The following USP34 variants were observed in gnomAD, a reference collection of about 807,000 sequenced individuals.
USP34 encodes ubiquitin specific peptidase 34, also known as ubiquitin carboxyl-terminal hydrolase 34.
In USP34, 70 loss-of-function variants were observed where a neutral mutation model predicts 460.3. The observed-to-expected ratio is 0.15, with a 90% CI of 0.13 to 0.19. The LOEUF (loss-of-function observed/expected upper bound fraction) is 0.19, where lower values mean the gene tolerates loss of function less well. Among genes scored for constraint, USP34 ranks in the 10% least tolerant of loss-of-function variants. The pLI is 1.00. For missense variants in USP34, 3,985 were observed against 4,236.2 expected, an observed-to-expected ratio of 0.94 and a Z score of 1.65; for synonymous variants, 1,647 against 1,405.3, an observed-to-expected ratio of 1.17 and a Z score of -3.85.
intron 1 of USP34, among the ~76,000 whole-genome samples, chr2:61,469,349 T>TATTG: frequency 6.6e-6 from 1 of 152,166 alleles, no homozygotes; most frequent in East Asian, 1.9e-4. Flanking sequence ...ACACAGTAAG[T>TATTG]ATTGAGGATT....
intron 48 of USP34, among the ~76,000 whole-genome samples, chr2:61,249,085 A>G (rs1324300512): frequency 6.6e-6 from 1 of 152,256 alleles, no homozygotes; most frequent in African/African-American, 2.4e-5. Flanking sequence ...CAAGAGATTA[A>G]CAAGTATTAA....
intron 43 of USP34, among the ~76,000 whole-genome samples, chr2:61,264,513 T>C (rs1688989156): frequency 6.6e-6 from 1 of 151,534 alleles, no homozygotes; most frequent in Non-Finnish European, 1.5e-5. Flanking sequence ...TGGTGGCATA[T>C]GCCTGCAGTC....
At chr2:61,464,812 G>C (rs1047912393) in intron 1 of USP34, among the ~76,000 whole-genome samples, 3 of 150,282 alleles carry the variant, frequency 2.0e-5, no homozygotes, top group Non-Finnish European at 4.4e-5. Flanking sequence ...CAGTTTACTA[G>C]TGAGTTTGCT....
rs1687808470 is a variant in USP34, at chr2:61,229,006, A to G, written c.7200-11T>C. 4.5e-6 allele frequency: 7 copies of G among 1,540,346 alleles called. No individual in the cohort carries two copies. Among genetic ancestry groups the G allele is most frequent in the Non-Finnish European group, 5.3e-6 (6 of 1,141,698 alleles). ...TCCATATCATCTGACCTAAGAGACA[A>G]TTAAATAGATCTTAGAGAATGTATG... On this transcript the variant is annotated splice_polypyrimidine_tract_variant and intron_variant, in intron 59 of 79. Transcript: ENST00000398571.
chr2:61,213,980 C>T lies in USP34; in HGVS notation c.8682+80G>A. 12 of 1,529,476 alleles carry T rather than the reference C, an allele frequency of 7.8e-6. No homozygotes were observed. The South Asian group carries it at 1.4e-4, about 17-fold the overall frequency. 94.7% of individuals were successfully genotyped at this position (1,529,476 alleles called of 1,614,324 possible). Reference sequence around the variant, plus strand: ...AATGGTGAGACTATTCTATATTCTGCCACCACTTCCCACCAGGGGAAAAAC... The same window carrying T: ...AATGGTGAGACTATTCTATATTCTGTCACCACTTCCCACCAGGGGAAAAAC... On this transcript the variant is annotated intron_variant, in intron 68 of 79. Coordinates refer to ENST00000398571, the MANE Select transcript of USP34 (RefSeq NM_014709.4).
intron 3 of USP34, 51 bp downstream of exon 3, chr2:61,405,657 C>A: frequency 6.9e-7 from 1 of 1,446,122 alleles, no homozygotes; most frequent in Non-Finnish European, 9.2e-7. Flanking sequence ...AAACAGACTG[C>A]GAAGTTAAGA....
intron 70 of USP34, 117 bp from the exon 71 acceptor site, chr2:61,207,003 G>A (rs549361278): frequency 4.5e-6 from 5 of 1,112,296 alleles, no homozygotes; most frequent in Admixed American, 5.3e-5. Flanking sequence ...GTGTGCACAT[G>A]TGTGCAAAGC....
intron 2 of USP34, 36 bp downstream of exon 2, chr2:61,420,710 C>T: frequency 1.3e-6 from 2 of 1,523,666 alleles, no homozygotes; most frequent in East Asian, 2.3e-5. Context: ...ACACAACTCA[C>T]AAAAATTAGT....
chr2:61,265,235 TGTA>T (rs1185922007), intron 43 of USP34, 159 bp downstream of exon 43: 2 of 754,836 alleles, frequency 2.6e-6, no homozygotes, highest in Non-Finnish European at 4.2e-6. Context: ...TCTACTAAAA[TGTA>T]TAACTATGTA....
chr2:61,310,762 A>G (rs1166607954), intron 27 of USP34, among the ~76,000 whole-genome samples: 1 of 151,892 alleles, frequency 6.6e-6, no homozygotes, highest in Non-Finnish European at 1.5e-5. Context: ...GTGAGACACG[A>G]AGGTGTGTTA....
At chr2:61,337,437 C>T (rs952751614) in intron 18 of USP34, among the ~76,000 whole-genome samples, 3 of 151,216 alleles carry the variant, frequency 2.0e-5, no homozygotes, top group Admixed American at 1.3e-4. Context: ...GCAAAGAATA[C>T]GTAGTTATGT....
At position 61,220,390 on chromosome 2, in the gene USP34, G is replaced by A. The variant is rs375628616; in HGVS notation, c.7967C>T (p.Ala2656Val). 1 of 1,613,810 alleles carries A rather than the reference G, an allele frequency of 6.2e-7. No homozygotes were observed. Among genetic ancestry groups the A allele is most frequent in the African/African-American group, 1.3e-5 (1 of 74,908 alleles). Reference sequence around the variant, plus strand: ...CATATTCTGTAAGACCCAGCTGTGTGCCAGTTTATTTCGGGGTGTCTGCAC... The same window carrying A: ...CATATTCTGTAAGACCCAGCTGTGTACCAGTTTATTTCGGGGTGTCTGCAC... ...LAVQTPRNKL[A>V]HSWVLQNMEN... The change falls in exon 67 of 80, where the codon GCA (alanine) becomes GTA (valine). Residue 2656 changes from alanine (A) to valine (V), a missense_variant. Physicochemically the swap from Ala to Val is moderately conservative, Grantham distance 64. Coordinates refer to ENST00000398571, the MANE Select transcript of USP34 (RefSeq NM_014709.4).
intron 75 of USP34, among the ~76,000 whole-genome samples, chr2:61,201,707 TGACAA>T (rs1686982733): frequency 6.6e-6 from 1 of 152,210 alleles, no homozygotes; most frequent in South Asian, 2.1e-4. Context: ...GCACTTGGGT[TGACAA>T]GACAACCCAA....
At position 61,248,603 on chromosome 2, in the gene USP34, T is replaced by A; in HGVS notation, c.6302A>T (p.Glu2101Val). The change falls in exon 49 of 80, where the codon GAG becomes GTG. Residue 2101 changes from glutamate (E) to valine (V), a missense_variant. Coordinates refer to ENST00000398571, the MANE Select transcript of USP34 (RefSeq NM_014709.4). ...YTFNMVTMMKEKVNTHFSFPL... is the reference protein window; with the variant it reads ...YTFNMVTMMKVKVNTHFSFPL... ...GAAGGAAAAGTGTGTATTCACTTTC[T>A]CTTTCATCATCGTGACCATATTAAA... The A allele has an allele frequency of 6.2e-7, 1 of 1,609,462 alleles. No homozygotes were observed. The highest frequency in any genetic ancestry group is 8.5e-7 in the Non-Finnish European group (1 of 1,176,892).
intron 5 of USP34, 23 bp from the exon 6 acceptor site, chr2:61,383,359 A>T (rs757131355): frequency 1.3e-5 from 19 of 1,514,992 alleles, no homozygotes; most frequent in Non-Finnish European, 1.5e-5. Context: ...CATAAAAACA[A>T]CATTAATGCC....
chr2:61,208,861 G>T, intron 70 of USP34, 38 bp downstream of exon 70: 2 of 1,431,238 alleles, frequency 1.4e-6, no homozygotes, highest in South Asian at 2.8e-5. Context: ...ACATTAAAAT[G>T]AGATAATATC....
chr2:61,301,261 G>A (rs1435979858), intron 28 of USP34, 93 bp downstream of exon 28: 11 of 1,505,532 alleles, frequency 7.3e-6, no homozygotes, highest in Non-Finnish European at 9.9e-6. Context: ...ATATAACAAA[G>A]CAATAAGAGC....
rs1692337669 is a variant in USP34 at position 61,363,665 on chromosome 2, G to T, written c.1251+6656C>A. Among the ~76,000 whole-genome samples, 3 of 152,144 alleles carry T rather than the reference G, an allele frequency of 2.0e-5. No individual in the cohort carries two copies. In the South Asian group the frequency reaches 6.2e-4, roughly 31 times the overall value. The stretch of plus-strand genomic sequence containing the variant: ...CGGGAACACTGTTGTATATGTATGT[G>T]GTGTGTTGTTGACTGAAACATGGTT... On this transcript the variant is annotated intron_variant, in intron 10 of 79. Transcript: ENST00000398571.
chr2:61,407,933 G>T (rs1022621008), intron 2 of USP34, among the ~76,000 whole-genome samples: 6 of 152,070 alleles, frequency 3.9e-5, no homozygotes, highest in Admixed American at 3.9e-4. Context: ...TGGTCAACAT[G>T]GTGAAACCCC....
Sources: allele counts gnomAD v4.1 joint callset (sites outside exome capture counted in the v4.1 genomes callset), GRCh38; gene constraint gnomAD v4.1.1; transcripts MANE v1.5; gene names NCBI Gene and HGNC (gene_info 2026-07-23, HGNC 2026-07-21).